Variants in KIAA1328 observed in about 807,000 individuals in gnomAD.
KIAA1328 encodes protein hinderin.
In KIAA1328, 52 loss-of-function variants were observed where a neutral mutation model predicts 68.1. The observed-to-expected ratio is 0.76, with a 90% CI of 0.61 to 0.96. The LOEUF is 0.96. Among genes scored for constraint, KIAA1328 ranks in the 40% least tolerant of loss-of-function variants. KIAA1328 has a pLI of 0.00. For missense variants in KIAA1328, 641 were observed against 677.6 expected (o/e 0.95, Z 0.60); for synonymous variants, 232 against 239.4 (o/e 0.97, Z 0.28).
At chr18:36,987,860 C>G (rs2151398805) in intron 6 of KIAA1328, among the ~76,000 whole-genome samples, 1 of 151,740 alleles carries the variant, frequency 6.6e-6, no homozygotes, top group Non-Finnish European at 1.5e-5. Context: ...AAAAAAAGAA[C>G]TGCATATTTT....
chr18:36,911,626 A>G (rs2049454343), intron 5 of KIAA1328, among the ~76,000 whole-genome samples: 1 of 152,190 alleles, frequency 6.6e-6, no homozygotes, highest in African/African-American at 2.4e-5. Context: ...ACACAGACTC[A>G]GTGAAAAACA....
At chr18:37,110,380 T>C (rs555844575) in intron 7 of KIAA1328, among the ~76,000 whole-genome samples, 2 of 152,352 alleles carry the variant, frequency 1.3e-5, no homozygotes, top group East Asian at 3.9e-4. Flanking sequence ...GCATCACGTT[T>C]GCCTATAAGA....
intron 7 of KIAA1328, among the ~76,000 whole-genome samples, chr18:37,105,099 A>G (rs561022959): frequency 6.6e-6 from 1 of 152,302 alleles, no homozygotes; most frequent in Admixed American, 6.5e-5. Context: ...CCCTTTGAAA[A>G]TTCTTCAGCA....
chr18:36,857,141 C>G (rs1192468038), intron 4 of KIAA1328, among the ~76,000 whole-genome samples: 1 of 152,124 alleles, frequency 6.6e-6, no homozygotes, highest in Non-Finnish European at 1.5e-5. Context: ...AGGTATGTAC[C>G]TTTTATAAGG....
In KIAA1328 at chr18:36,945,138, A is replaced by G. The variant is rs550137135; in HGVS notation, c.449-14170A>G. On this transcript the variant is annotated intron_variant, in intron 5 of 9. Coordinates refer to ENST00000280020, the MANE Select transcript of KIAA1328 (RefSeq NM_020776.3). ...GTAGTATTCATAGTATTAAAATAGT[A>G]AAGTAAAACCTAGCCCCTTGATTTT... Among the ~76,000 whole-genome samples, 6 of 152,282 alleles carry G rather than the reference A, an allele frequency of 3.9e-5. No homozygotes were observed. The South Asian group carries it at 1.0e-3, about 26-fold the overall frequency.
intron 3 of KIAA1328, among the ~76,000 whole-genome samples, chr18:36,840,667 G>C (rs2046829753): frequency 6.6e-6 from 1 of 151,962 alleles, no homozygotes; most frequent in Admixed American, 6.6e-5. Flanking sequence ...TGACCAGGCT[G>C]GTCTTGAACT....
chr18:36,987,795 T>C (rs1425217903), intron 6 of KIAA1328, among the ~76,000 whole-genome samples: 1 of 152,104 alleles, frequency 6.6e-6, no homozygotes, highest in African/African-American at 2.4e-5. Flanking sequence ...GTGCAGGTGA[T>C]TGCATGTCAG....
At chr18:36,990,185 A>G (rs2053117904) in intron 6 of KIAA1328, among the ~76,000 whole-genome samples, 1 of 152,182 alleles carries the variant, frequency 6.6e-6, no homozygotes, top group Non-Finnish European at 1.5e-5. Flanking sequence ...CTTTAAGAAA[A>G]ATGGTCTAAT....
At chr18:37,102,110 A>G (rs1168783919) in intron 7 of KIAA1328, among the ~76,000 whole-genome samples, 2 of 152,222 alleles carry the variant, frequency 1.3e-5, no homozygotes, top group African/African-American at 4.8e-5. Flanking sequence ...TCTTAAGACA[A>G]TACTAGCAAA....
intron 6 of KIAA1328, among the ~76,000 whole-genome samples, chr18:37,013,516 T>A (rs2054047121): frequency 6.6e-6 from 1 of 152,106 alleles, no homozygotes. Flanking sequence ...CCCACAGTAC[T>A]CCCCAGTGTC....
chr18:36,857,353 G>A (rs753727825), intron 4 of KIAA1328, among the ~76,000 whole-genome samples: 1 of 152,128 alleles, frequency 6.6e-6, no homozygotes, highest in Non-Finnish European at 1.5e-5. Flanking sequence ...TCATCTTTAA[G>A]TGATTTTGAC....
chr18:37,149,927 A>G (rs187352814), intron 7 of KIAA1328, among the ~76,000 whole-genome samples: 1 of 152,336 alleles, frequency 6.6e-6, no homozygotes, highest in East Asian at 1.9e-4. Flanking sequence ...CTGAAAAAGG[A>G]TATATCACTA....
intron 5 of KIAA1328, among the ~76,000 whole-genome samples, chr18:36,932,164 C>A (rs1029803551): frequency 1.3e-5 from 2 of 152,096 alleles, no homozygotes; most frequent in Admixed American, 6.5e-5. Flanking sequence ...TATTAGACAC[C>A]TCAGTGATCA....
intron 7 of KIAA1328, chr18:37,084,239 C>T (rs1041557086): frequency 8.3e-6 from 12 of 1,453,680 alleles, no homozygotes; most frequent in Non-Finnish European, 1.1e-5. Context: ...CAAGGTAAAC[C>T]TGAAGTCTCA....
chr18:37,077,588 G>A (rs145214080), intron 7 of KIAA1328, among the ~76,000 whole-genome samples: 15,909 of 151,540 alleles, frequency 0.1, 1,058 homozygotes, highest in Non-Finnish European at 0.13. Flanking sequence ...AAAACTCATC[G>A]ACTCAGCCCA....
intron 6 of KIAA1328, among the ~76,000 whole-genome samples, chr18:37,011,217 A>G (rs2053968679): frequency 6.6e-6 from 1 of 152,166 alleles, no homozygotes; most frequent in African/African-American, 2.4e-5. Flanking sequence ...AACAGTGCAT[A>G]TGTGATCTGT....
intron 6 of KIAA1328, among the ~76,000 whole-genome samples, chr18:36,962,953 A>C (rs2051754026): frequency 1.3e-5 from 2 of 152,238 alleles, no homozygotes; most frequent in Admixed American, 1.3e-4. Flanking sequence ...GCAGAAGGCA[A>C]GAAATAACTA....
intron 9 of KIAA1328, among the ~76,000 whole-genome samples, chr18:37,182,192 A>G (rs2059711157): frequency 1.3e-5 from 2 of 152,176 alleles, no homozygotes; most frequent in African/African-American, 4.8e-5. Flanking sequence ...AAGGTTATCA[A>G]ATTCCCTTAA....
intron 7 of KIAA1328, among the ~76,000 whole-genome samples, chr18:37,100,107 G>A (rs965632607): frequency 2.6e-5 from 4 of 152,144 alleles, no homozygotes; most frequent in African/African-American, 9.7e-5. Flanking sequence ...TGCAGAAGAC[G>A]GGTCATTTCT....
Sources: allele counts gnomAD v4.1 joint callset (sites outside exome capture counted in the v4.1 genomes callset), GRCh38; gene constraint gnomAD v4.1.1; transcripts MANE v1.5; gene names NCBI Gene and HGNC (gene_info 2026-07-23, HGNC 2026-07-21).